Variants in COG7 observed in about 807,000 individuals in gnomAD.
COG7 encodes the protein conserved oligomeric Golgi complex subunit 7.
COG7 carries 49 observed loss-of-function variants against 91.5 expected under a neutral mutation model. The ratio of observed to expected loss-of-function variants is 0.54; its 90% CI spans 0.43 to 0.68. The LOEUF (loss-of-function observed/expected upper bound fraction) is 0.68, where lower values mean the gene tolerates loss of function less well. Ranked by LOEUF, COG7 falls within the 30% of genes least tolerant of loss-of-function variation. The pLI, the probability that COG7 is intolerant of heterozygous loss-of-function variation, is 0.00. For synonymous variants in COG7, 365 were observed against 388.7 expected (o/e 0.94, Z 0.72); for missense variants, 895 against 961.3 (o/e 0.93, Z 0.91).
At chr16:23,446,186 C>T (rs1567348885) in intron 1 of COG7, among the ~76,000 whole-genome samples, 1 of 152,128 alleles carries the variant, frequency 6.6e-6, no homozygotes. Context: ...TGGGAAAGGG[C>T]CTTTGATATC....
rs1211433013 is a variant in COG7, at chr16:23,413,556, G to A, written c.1301C>T (p.Ser434Phe). 1 of 1,580,056 alleles carries A rather than the reference G, an allele frequency of 6.3e-7. No homozygotes were observed. The highest frequency in any genetic ancestry group is 1.7e-5 in the Admixed American group (1 of 59,966). ...GGACTGGAGAGTGCTGGTGAAATCA[G>A]ACACATACCTGCCGGGAAAGGGAAG... ...ALKSLFAKYV[S>F]DFTSTLQSIR... The change falls in exon 10 of 17, where the codon TCT becomes TTT. Residue 434 changes from serine (S) to phenylalanine (F), a missense_variant. Ser to Phe is a radical substitution (Grantham distance 155). Coordinates refer to ENST00000307149, the MANE Select transcript of COG7 (RefSeq NM_153603.4).
intron 13 of COG7, among the ~76,000 whole-genome samples, chr16:23,399,258 C>T (rs370512466): frequency 1.3e-5 from 2 of 152,174 alleles, no homozygotes; most frequent in Non-Finnish European, 2.9e-5. Context: ...GAGCTCTTTT[C>T]TTCCCCACCC....
intron 5 of COG7, among the ~76,000 whole-genome samples, chr16:23,434,368 G>A (rs937608273): frequency 3.3e-5 from 5 of 152,182 alleles, no homozygotes; most frequent in African/African-American, 1.2e-4. Flanking sequence ...AGACAAAAAT[G>A]AGAATAAATT....
chr16:23,434,850 C>T, intron 4 of COG7, 132 bp from the exon 5 acceptor site: 2 of 693,260 alleles, frequency 2.9e-6, no homozygotes, highest in Non-Finnish European at 5.3e-6. Context: ...TGAATTAACT[C>T]ATGCATGAGG....
intron 6 of COG7, among the ~76,000 whole-genome samples, chr16:23,425,899 G>C (rs113660084): frequency 2.0e-4 from 31 of 152,028 alleles, no homozygotes; most frequent in Middle Eastern, 3.4e-3. Context: ...TTTTTTTGAT[G>C]GTCACCAAAA....
intron 6 of COG7, among the ~76,000 whole-genome samples, chr16:23,429,474 G>A (rs942825279): frequency 6.6e-6 from 1 of 152,124 alleles, no homozygotes. Flanking sequence ...AATAAGAAGT[G>A]TCAACAGGCT....
In COG7 at chr16:23,403,545, G is replaced by A. The variant is rs542255257; in HGVS notation, c.1803+149C>T. 9 of 903,238 alleles carry A rather than the reference G, an allele frequency of 1.0e-5. No individual in the cohort carries two copies. In the East Asian group the frequency reaches 2.3e-4, roughly 23 times the overall value. 56.0% of individuals were successfully genotyped at this position (903,238 alleles called of 1,614,324 possible). A position where few individuals can be genotyped will look rare whatever the true frequency, so the allele number is the denominator to read the frequency against. ...AGAAATTCATGCTAAGCAATGAGGT[G>A]AAATTGGAAAGTGGCTCTTTCCGGC... On this transcript the variant is annotated intron_variant, in intron 13 of 16. Coordinates refer to ENST00000307149, the MANE Select transcript of COG7 (RefSeq NM_153603.4).
At position 23,404,899 on chromosome 16, in the gene COG7, G is replaced by A. The variant is rs575214985; in HGVS notation, c.1663-1065C>T. 2.6e-5 allele frequency among the ~76,000 whole-genome samples: 4 copies of A among 152,292 alleles called. No individual in the cohort carries two copies. The South Asian group carries it at 6.2e-4, about 24-fold the overall frequency. On this transcript the variant is annotated intron_variant, in intron 12 of 16. Transcript: ENST00000307149. Reference sequence around the variant, plus strand: ...TGTGCCACTGCACTCCAGCCTAGGCGACAGAGTGAGACTCCATCTCAAAAG... The same window carrying A: ...TGTGCCACTGCACTCCAGCCTAGGCAACAGAGTGAGACTCCATCTCAAAAG...
intron 13 of COG7, among the ~76,000 whole-genome samples, chr16:23,399,199 G>A (rs577763180): frequency 7.2e-5 from 11 of 152,220 alleles, no homozygotes; most frequent in African/African-American, 1.4e-4. Context: ...AGCCCTCCCC[G>A]TGCTCTCTAG....
intron 1 of COG7, among the ~76,000 whole-genome samples, chr16:23,448,844 A>G (rs1254285220): frequency 1.3e-5 from 2 of 152,214 alleles, no homozygotes; most frequent in African/African-American, 4.8e-5. Context: ...AGTTTCTACA[A>G]GTCTACAGTG....
intron 13 of COG7, among the ~76,000 whole-genome samples, chr16:23,402,288 A>T (rs1427911187): frequency 6.6e-6 from 1 of 152,166 alleles, no homozygotes; most frequent in Non-Finnish European, 1.5e-5. Flanking sequence ...GTTGCTGGAC[A>T]TCAAACTGCT....
At chr16:23,445,984 A>AC (rs776757940) in intron 1 of COG7, 23 bp from the exon 2 acceptor site, 78 of 1,597,124 alleles carry the variant, frequency 4.9e-5, no homozygotes, top group South Asian at 2.3e-4. Flanking sequence ...AAAAAAAAAA[A>AC]AACAACAACA....
intron 6 of COG7, among the ~76,000 whole-genome samples, 174 bp downstream of exon 6, chr16:23,433,371 G>A (rs1016668302): frequency 2.0e-5 from 3 of 152,288 alleles, no homozygotes; most frequent in East Asian, 1.9e-4. Flanking sequence ...GATTACAAGT[G>A]TGAGCCACCG....
chr16:23,394,547 C>T (rs1963254111), intron 14 of COG7, among the ~76,000 whole-genome samples: 1 of 151,894 alleles, frequency 6.6e-6, no homozygotes, highest in Admixed American at 6.6e-5. Context: ...CATTCCATGA[C>T]ATTCCTGTCA....
intron 4 of COG7, among the ~76,000 whole-genome samples, chr16:23,436,120 G>T (rs975339961): frequency 1.3e-4 from 20 of 152,102 alleles, no homozygotes; most frequent in Admixed American, 1.3e-3. Context: ...ACCCCAGGAG[G>T]CTGAGCTGGG....
intron 7 of COG7, among the ~76,000 whole-genome samples, chr16:23,422,532 A>G (rs1002570902): frequency 6.7e-6 from 1 of 149,342 alleles, no homozygotes; most frequent in Non-Finnish European, 1.5e-5. Context: ...TTATGTATTT[A>G]TTACATAATA....
At chr16:23,423,272 CAGG>C (rs1370550010) in intron 7 of COG7, among the ~76,000 whole-genome samples, 2 of 151,984 alleles carry the variant, frequency 1.3e-5, no homozygotes, top group African/African-American at 4.8e-5. Flanking sequence ...GAGGCTGAGG[CAGG>C]AGAATTGTTT....
intron 6 of COG7, among the ~76,000 whole-genome samples, chr16:23,430,299 C>T (rs945177546): frequency 5.3e-5 from 8 of 151,822 alleles, no homozygotes; most frequent in East Asian, 3.9e-4. Context: ...TGTGGTGGCA[C>T]GCACCTGTAG....
chr16:23,411,496 C>G (rs148750309), intron 10 of COG7, among the ~76,000 whole-genome samples: 1 of 152,312 alleles, frequency 6.6e-6, no homozygotes, highest in Non-Finnish European at 1.5e-5. Flanking sequence ...GCATCTAGAA[C>G]ATTACATTTT....
Sources: gnomAD v4.1 joint callset for allele counts (sites outside exome capture counted in the v4.1 genomes callset) on GRCh38, gnomAD v4.1.1 for gene constraint, MANE v1.5 for transcripts, NCBI Gene and HGNC (gene_info 2026-07-23, HGNC 2026-07-21) for gene names.